Variants in GALNTL6 observed in about 807,000 individuals in gnomAD.
GALNTL6 encodes polypeptide N-acetylgalactosaminyltransferase like 6, also known as polypeptide N-acetylgalactosaminyltransferase-like 6.
In GALNTL6, 46 loss-of-function variants were observed where a neutral mutation model predicts 73.7. That is an observed-to-expected ratio of 0.62 (90% CI 0.49 to 0.80). GALNTL6 has a LOEUF of 0.80. Among genes scored for constraint, GALNTL6 ranks in the 30% least tolerant of loss-of-function variants. The probability of loss-of-function intolerance (pLI) is 0.00; values close to 1 mark genes in which losing one functional copy is unlikely to be tolerated. For synonymous variants in GALNTL6, 259 were observed against 263.7 expected (o/e 0.98, Z 0.17); for missense variants, 604 against 755.0 (o/e 0.80, Z 2.34).
chr4:171,827,186 C>T (rs1338728566), intron 2 of GALNTL6, among the ~76,000 whole-genome samples: 3 of 152,054 alleles, frequency 2.0e-5, no homozygotes, highest in Admixed American at 6.6e-5. Flanking sequence ...GCATATGCCA[C>T]AGCTATTTGA....
intron 5 of GALNTL6, among the ~76,000 whole-genome samples, chr4:172,777,335 T>C (rs1739129357): frequency 6.6e-6 from 1 of 151,932 alleles, no homozygotes. Context: ...AGTTGGGGAG[T>C]TTTTCACAGC....
At chr4:172,894,941 TG>T (rs1477535486) in intron 8 of GALNTL6, among the ~76,000 whole-genome samples, 2 of 146,642 alleles carry the variant, frequency 1.4e-5, no homozygotes, top group African/African-American at 2.4e-5. Flanking sequence ...ATAATGATCT[TG>T]TTTTTTTTAC....
chr4:172,790,431 G>A (rs1308476462), intron 5 of GALNTL6, among the ~76,000 whole-genome samples: 4 of 152,142 alleles, frequency 2.6e-5, no homozygotes, highest in Non-Finnish European at 5.9e-5. Flanking sequence ...ACACACAGAG[G>A]AAAGAACATT....
At chr4:171,988,265 A>G (rs1009196994) in intron 2 of GALNTL6, among the ~76,000 whole-genome samples, 8 of 152,236 alleles carry the variant, frequency 5.3e-5, no homozygotes, top group Admixed American at 4.6e-4. Flanking sequence ...TAAGGGATTG[A>G]CGTTTGGGAG....
intron 7 of GALNTL6, among the ~76,000 whole-genome samples, chr4:172,824,728 C>T (rs191894485): frequency 3.9e-5 from 6 of 152,104 alleles, no homozygotes; most frequent in South Asian, 2.1e-4. Context: ...GGTGAGAAGG[C>T]TTCAGAAATG....
At chr4:172,718,918 G>A (rs898777364) in intron 5 of GALNTL6, among the ~76,000 whole-genome samples, 1 of 151,522 alleles carries the variant, frequency 6.6e-6, no homozygotes, top group Non-Finnish European at 1.5e-5. Context: ...CACAATTAAG[G>A]CAATCACATA....
At chr4:172,708,278 A>C (rs1305354256) in intron 5 of GALNTL6, among the ~76,000 whole-genome samples, 1 of 152,178 alleles carries the variant, frequency 6.6e-6, no homozygotes, top group African/African-American at 2.4e-5. Context: ...TCGTGGTCTC[A>C]AACCCCTGAC....
chr4:172,944,017 G>A (rs559335828), intron 9 of GALNTL6, among the ~76,000 whole-genome samples: 1 of 152,062 alleles, frequency 6.6e-6, no homozygotes, highest in South Asian at 2.1e-4. Flanking sequence ...GACTTTAAAT[G>A]TAAAGGATAC....
chr4:172,177,750 TATATGTGTGTATATATATGTACAC>T (rs1292284678), intron 2 of GALNTL6, among the ~76,000 whole-genome samples: 5 of 140,206 alleles, frequency 3.6e-5, no homozygotes, highest in Non-Finnish European at 6.1e-5. Flanking sequence ...CATGTGTATA[TATATGTGTGTATATATATGTACAC>T]ATATATACAC....
At chr4:172,103,522 G>T (rs1422513475) in intron 2 of GALNTL6, among the ~76,000 whole-genome samples, 3 of 152,130 alleles carry the variant, frequency 2.0e-5, no homozygotes, top group Non-Finnish European at 4.4e-5. Flanking sequence ...ATCAGCCCTT[G>T]CCCTGAATAA....
At chr4:172,839,517 G>A (rs1560985886) in intron 7 of GALNTL6, among the ~76,000 whole-genome samples, 1 of 152,224 alleles carries the variant, frequency 6.6e-6, no homozygotes, top group African/African-American at 2.4e-5. Flanking sequence ...ATAGTGAAAA[G>A]TGAGTGTGAG....
chr4:172,650,551 T>C (rs1210057179), intron 5 of GALNTL6, among the ~76,000 whole-genome samples: 1 of 152,068 alleles, frequency 6.6e-6, no homozygotes, highest in African/African-American at 2.4e-5. Context: ...AAACAGAGAA[T>C]TCAAAGAACC....
At chr4:172,815,840 T>C (rs143287783) in intron 7 of GALNTL6, among the ~76,000 whole-genome samples, 1,552 of 152,306 alleles carry the variant, frequency 0.01, 103 homozygotes, top group Admixed American at 0.095. Context: ...GTCTTATTGA[T>C]TCCTAGGAAT....
intron 2 of GALNTL6, among the ~76,000 whole-genome samples, chr4:172,161,088 G>T (rs2110791543): frequency 6.6e-6 from 1 of 151,862 alleles, no homozygotes; most frequent in East Asian, 1.9e-4. Context: ...GAGACAATAT[G>T]GAAAGCCAGG....
At chr4:172,553,752 T>G (rs953558362) in intron 5 of GALNTL6, among the ~76,000 whole-genome samples, 1 of 152,122 alleles carries the variant, frequency 6.6e-6, no homozygotes, top group African/African-American at 2.4e-5. Flanking sequence ...TTTGCCTTAT[T>G]ATGATATTTT....
chr4:172,884,906 C>G (rs956240733), intron 8 of GALNTL6, among the ~76,000 whole-genome samples: 3 of 152,238 alleles, frequency 2.0e-5, no homozygotes, highest in East Asian at 3.9e-4. Flanking sequence ...GTTCTTGATG[C>G]CTTTTTGTCA....
In GALNTL6 at chr4:172,526,791, C is replaced by T. The variant is rs7692303; in HGVS notation, c.553+178102C>T. ...TTTATTTCCTCACCACCTTCACTTTCTTCTTTCTAATCCCTATCCTTCCAC... is the reference window on the plus strand; with the variant it reads ...TTTATTTCCTCACCACCTTCACTTTTTTCTTTCTAATCCCTATCCTTCCAC... On this transcript the variant is annotated intron_variant, in intron 5 of 12. Coordinates refer to ENST00000506823, the MANE Select transcript of GALNTL6 (RefSeq NM_001034845.3). 8.2e-3 allele frequency among the ~76,000 whole-genome samples: 1,250 copies of T among 152,256 alleles called. 10 individuals are homozygous for T. Among genetic ancestry groups the T allele is most frequent in the African/African-American group, 0.028 (1,183 of 41,544 alleles).
intron 2 of GALNTL6, among the ~76,000 whole-genome samples, chr4:171,860,562 C>A (rs1258181178): frequency 6.6e-6 from 1 of 152,126 alleles, no homozygotes; most frequent in African/African-American, 2.4e-5. Flanking sequence ...ACTTTATAAT[C>A]CTTTAGCCCT....
intron 5 of GALNTL6, among the ~76,000 whole-genome samples, chr4:172,478,166 A>G (rs1610207): frequency 0.63 from 95,840 of 152,046 alleles, 31,178 homozygotes; most frequent in South Asian, 0.82. Context: ...GAAAAAAAAA[A>G]TCCTAAAATT....
Sources: allele counts gnomAD v4.1 joint callset (sites outside exome capture counted in the v4.1 genomes callset), GRCh38; gene constraint gnomAD v4.1.1; transcripts MANE v1.5; gene names NCBI Gene and HGNC (gene_info 2026-07-23, HGNC 2026-07-21).